WWOX: variants seen among roughly 807,000 people sequenced by gnomAD.
WWOX encodes the protein WW domain containing oxidoreductase.
A neutral mutation model predicts 46.2 loss-of-function variants in WWOX; 69 were observed. The ratio of observed to expected loss-of-function variants is 1.49; its 90% CI spans 1.23 to 1.82. The LOEUF is 1.82. Ranked by LOEUF, WWOX falls within the 40% of genes most tolerant of loss-of-function variation. WWOX has a pLI of 0.00. For synonymous variants in WWOX, 359 were observed against 202.6 expected (o/e 1.77, Z -6.56); for missense variants, 919 against 542.6 (o/e 1.69, Z -6.89).
intron 8 of WWOX, among the ~76,000 whole-genome samples, chr16:78,901,149 G>C (rs2044822166): frequency 6.6e-6 from 1 of 152,118 alleles, no homozygotes; most frequent in Non-Finnish European, 1.5e-5. Context: ...ATTTTCATAG[G>C]GCAAAATGCA....
At chr16:78,730,359 T>C (rs2048939444) in intron 8 of WWOX, among the ~76,000 whole-genome samples, 1 of 152,058 alleles carries the variant, frequency 6.6e-6, no homozygotes, top group African/African-American at 2.4e-5. Context: ...AGCATTATCA[T>C]ATAAGCCACG....
intron 8 of WWOX, among the ~76,000 whole-genome samples, chr16:78,783,910 G>A (rs1489105868): frequency 6.6e-6 from 1 of 151,882 alleles, no homozygotes; most frequent in Admixed American, 6.6e-5. Context: ...TGACGATGGT[G>A]ATGATGATGT....
intron 8 of WWOX, among the ~76,000 whole-genome samples, chr16:78,569,596 A>G (rs150698669): frequency 1.3e-5 from 2 of 152,356 alleles, no homozygotes; most frequent in African/African-American, 4.8e-5. Context: ...TGCCTTGTTG[A>G]AAAAGAATCG....
chr16:78,903,467 A>G (rs1415194555), intron 8 of WWOX, among the ~76,000 whole-genome samples: 2 of 152,176 alleles, frequency 1.3e-5, no homozygotes, highest in Non-Finnish European at 2.9e-5. Flanking sequence ...TCCTATGCAA[A>G]CGTCTGATTG....
intron 5 of WWOX, among the ~76,000 whole-genome samples, chr16:78,361,837 CCT>C (rs1418935894): frequency 1.3e-5 from 2 of 152,094 alleles, no homozygotes; most frequent in African/African-American, 2.4e-5. Flanking sequence ...GTCTCAAACT[CCT>C]CTTCTCTGGT....
At chr16:78,760,762 C>T (rs1275390232) in intron 8 of WWOX, among the ~76,000 whole-genome samples, 1 of 152,214 alleles carries the variant, frequency 6.6e-6, no homozygotes, top group South Asian at 2.1e-4. Context: ...GAGAGCATTA[C>T]AGGCTGCATT....
At chr16:78,328,130 C>G (rs556498863) in intron 5 of WWOX, among the ~76,000 whole-genome samples, 7 of 152,092 alleles carry the variant, frequency 4.6e-5, no homozygotes, top group African/African-American at 1.4e-4. Flanking sequence ...CAACCTCAGC[C>G]TCCCAAAGTG....
chr16:78,926,859 C>G (rs536379919), intron 8 of WWOX, among the ~76,000 whole-genome samples: 9 of 152,036 alleles, frequency 5.9e-5, no homozygotes, highest in Non-Finnish European at 1.2e-4. Flanking sequence ...TACATTGGTG[C>G]GATGAAGGCT....
chr16:78,163,868 C>T (rs1398443105), intron 4 of WWOX, among the ~76,000 whole-genome samples: 1 of 152,162 alleles, frequency 6.6e-6, no homozygotes, highest in East Asian at 1.9e-4. Flanking sequence ...ATCACTGCAT[C>T]CCTAGGACAA....
chr16:78,528,130 C>T (rs1253003071), intron 8 of WWOX, among the ~76,000 whole-genome samples: 2 of 139,788 alleles, frequency 1.4e-5, no homozygotes, highest in East Asian at 2.1e-4. Flanking sequence ...TCCCGAGTAG[C>T]TGGGACTACA....
At chr16:78,284,724 TG>T (rs2048882166) in intron 5 of WWOX, among the ~76,000 whole-genome samples, 2 of 152,202 alleles carry the variant, frequency 1.3e-5, no homozygotes, top group African/African-American at 4.8e-5. Flanking sequence ...CCAAGTCCTT[TG>T]CAGAATTTCC....
intron 8 of WWOX, among the ~76,000 whole-genome samples, chr16:78,442,938 T>C (rs1489914879): frequency 1.3e-5 from 2 of 151,824 alleles, no homozygotes; most frequent in Non-Finnish European, 2.9e-5. Context: ...CTAGCTAACA[T>C]GGTGAAACCC....
At chr16:78,932,734 C>A (rs2045650921) in intron 8 of WWOX, among the ~76,000 whole-genome samples, 1 of 152,194 alleles carries the variant, frequency 6.6e-6, no homozygotes, top group Non-Finnish European at 1.5e-5. Context: ...GCCCATTGCT[C>A]AGGGCCTGGG....
intron 1 of WWOX, among the ~76,000 whole-genome samples, chr16:78,103,132 T>G (rs1280967263): frequency 6.6e-6 from 1 of 152,146 alleles, no homozygotes; most frequent in African/African-American, 2.4e-5. Flanking sequence ...GCTTTCTTCC[T>G]GAGTGGCCCC....
At chr16:78,935,227 C>T (rs1465445534) in intron 8 of WWOX, among the ~76,000 whole-genome samples, 2 of 152,126 alleles carry the variant, frequency 1.3e-5, no homozygotes, top group Admixed American at 6.5e-5. Flanking sequence ...CTAGAAATAC[C>T]ATTTGACCCA....
intron 5 of WWOX, among the ~76,000 whole-genome samples, chr16:78,379,315 A>G (rs1719008592): frequency 6.6e-6 from 1 of 152,192 alleles, no homozygotes; most frequent in African/African-American, 2.4e-5. Context: ...AGATCACAAA[A>G]TAGCTAATTC....
intron 8 of WWOX, among the ~76,000 whole-genome samples, chr16:78,544,087 T>C (rs1046905952): frequency 6.6e-6 from 1 of 152,194 alleles, no homozygotes; most frequent in Non-Finnish European, 1.5e-5. Flanking sequence ...ACCCATGTTT[T>C]TGACTTTCAG....
At chr16:78,184,693 T>C (rs2035640370) in intron 5 of WWOX, among the ~76,000 whole-genome samples, 1 of 152,202 alleles carries the variant, frequency 6.6e-6, no homozygotes, top group African/African-American at 2.4e-5. Flanking sequence ...GTTTACACAG[T>C]TCCACTGTTA....
chr16:78,577,478 C>T (rs2044915493), intron 8 of WWOX, among the ~76,000 whole-genome samples: 1 of 152,156 alleles, frequency 6.6e-6, no homozygotes, highest in Admixed American at 6.5e-5. Flanking sequence ...ACCTTGAATT[C>T]ACCAGGAAGG....
Sources: allele counts gnomAD v4.1 joint callset (sites outside exome capture counted in the v4.1 genomes callset), GRCh38; gene constraint gnomAD v4.1.1; transcripts MANE v1.5; gene names NCBI Gene and HGNC (gene_info 2026-07-23, HGNC 2026-07-21).